ATP7B: variants seen among roughly 807,000 people sequenced by gnomAD.
The protein encoded by ATP7B is ATPase copper transporting beta, also known as copper-transporting ATPase 2.
Under a neutral mutation model 118.9 loss-of-function variants are expected in ATP7B, and 113 were observed. The observed-to-expected ratio is 0.95, with a 90% confidence interval of 0.82 to 1.11. The LOEUF is 1.11. Ranked by LOEUF, ATP7B falls within the 50% of genes most tolerant of loss-of-function variation. The probability of loss-of-function intolerance (pLI) is 0.00; values close to 1 mark genes in which losing one functional copy is unlikely to be tolerated. For missense variants in ATP7B, 1,867 were observed against 1,871.4 expected, an observed-to-expected ratio of 1.00 and a Z score of 0.04; for synonymous variants, 777 against 727.4, an observed-to-expected ratio of 1.07 and a Z score of -1.10.
chr13:51,990,949 G>A (rs1380426554), intron 1 of ATP7B, among the ~76,000 whole-genome samples: 7 of 152,168 alleles, frequency 4.6e-5, no homozygotes, highest in South Asian at 4.1e-4. Flanking sequence ...TTAGTTGGGC[G>A]TGGTGGCATG....
At chr13:51,987,551 A>T (rs1390475143) in intron 1 of ATP7B, among the ~76,000 whole-genome samples, 2 of 152,200 alleles carry the variant, frequency 1.3e-5, no homozygotes, top group African/African-American at 4.8e-5. Flanking sequence ...TCACAGAATT[A>T]GAAAAAACTA....
chr13:51,945,249 A>C (rs769693703), intron 13 of ATP7B, among the ~76,000 whole-genome samples: 36 of 152,108 alleles, frequency 2.4e-4, no homozygotes, highest in Non-Finnish European at 4.4e-4. Context: ...ACACTTTACT[A>C]AATCTTCAGC....
chr13:51,998,570 C>A (rs1307233425), intron 1 of ATP7B, among the ~76,000 whole-genome samples: 2 of 152,178 alleles, frequency 1.3e-5, no homozygotes, highest in African/African-American at 2.4e-5. Context: ...TCACATATTT[C>A]TTCTAGGTCT....
chr13:52,010,586 A>AT (rs140748149), intron 1 of ATP7B, among the ~76,000 whole-genome samples: 2,556 of 152,360 alleles, frequency 0.017, 59 homozygotes, highest in African/African-American at 0.058. Context: ...AAAAAAGAGA[A>AT]TGCACATACA....
chr13:51,958,871 A>T, intron 7 of ATP7B: 1 of 395,568 alleles, frequency 2.5e-6, no homozygotes, highest in Admixed American at 3.8e-5. Context: ...CCATTCCCTA[A>T]AGAGAATGGG....
At chr13:51,980,842 T>C (rs1279478799) in intron 1 of ATP7B, among the ~76,000 whole-genome samples, 1 of 152,012 alleles carries the variant, frequency 6.6e-6, no homozygotes, top group Non-Finnish European at 1.5e-5. Context: ...CCATAACAAC[T>C]TATGAGGCAA....
chr13:51,964,183 G>A (rs775246542), intron 5 of ATP7B, among the ~76,000 whole-genome samples: 74 of 151,802 alleles, frequency 4.9e-4, no homozygotes, highest in Non-Finnish European at 7.9e-4. Flanking sequence ...TGCTATAAGA[G>A]GCTTCATTTC....
chr13:51,962,040 G>T lies in ATP7B; in HGVS notation c.1870-127C>A, dbSNP rs1016759162. On this transcript the variant is annotated intron_variant, in intron 5 of 20. Coordinates refer to ENST00000242839, the MANE Select transcript of ATP7B (RefSeq NM_000053.4). ...ATCTAAAAGTGCCTCAGTAGACTTT[G>T]TGGGTTTTCTGCTTACAACTTCTTT... is the stretch of plus-strand genomic sequence containing the variant. The T allele has an allele frequency of 3.2e-5, 24 of 755,116 alleles. No individual in the cohort carries two copies. In the Admixed American group the frequency reaches 5.0e-4, roughly 16 times the overall value. The allele number at this position is 755,116 out of a possible 1,614,324, so 46.8% of individuals were successfully genotyped here.
At chr13:51,956,922 A>G (rs1399326961) in intron 9 of ATP7B, among the ~76,000 whole-genome samples, 2 of 152,140 alleles carry the variant, frequency 1.3e-5, no homozygotes, top group Non-Finnish European at 2.9e-5. Flanking sequence ...ACCTTGGGCC[A>G]GTTGCTTAGC....
Position 51,942,551 on chromosome 13 carries a change from G to A in ATP7B, c.3247C>T (p.Leu1083Phe), listed in dbSNP as rs1286080173. Residue 1083 changes from leucine (L) to phenylalanine (F), a missense_variant, in exon 15 of 21, where the codon CTT (leucine) becomes TTT (phenylalanine). Leu to Phe is a conservative substitution (Grantham distance 22). Transcript: ENST00000242839. Reference protein sequence around the residue: ...VAVTKYCKEELGTETLGYCTD... With the variant: ...VAVTKYCKEEFGTETLGYCTD... ...CAGTATCCCAAGGTCTCTGTTCCAA[G>A]TTCCTGGGAAGGTGGAAAGAGAGGA... 2.5e-6 allele frequency: 4 copies of A among 1,614,106 alleles called. No individual in the cohort carries two copies. In the East Asian group the frequency reaches 8.9e-5, roughly 36 times the overall value.
At chr13:51,936,414 C>T in intron 19 of ATP7B, among the ~76,000 whole-genome samples, 1 of 109,970 alleles carries the variant, frequency 9.1e-6, no homozygotes. Flanking sequence ...CACTCTGGAA[C>T]TTTTCATTGC....
intron 1 of ATP7B, among the ~76,000 whole-genome samples, chr13:51,988,298 T>C (rs1952754770): frequency 6.6e-6 from 1 of 151,212 alleles, no homozygotes; most frequent in Admixed American, 6.6e-5. Context: ...CCAACAAACA[T>C]GAAAAAAAGC....
intron 9 of ATP7B, among the ~76,000 whole-genome samples, chr13:51,957,305 T>C (rs1958413554): frequency 6.6e-6 from 1 of 152,198 alleles, no homozygotes; most frequent in African/African-American, 2.4e-5. Flanking sequence ...ACCTCCCATG[T>C]GCCATTTCGC....
Position 51,975,011 on chromosome 13 carries a change from T to C in ATP7B, c.209A>G (p.Gln70Arg), listed in dbSNP as rs1213175906. ...STVRILGMTC[Q>R]SCVKSIEDRI... ...GTCCTCAATGGACTTCACACATGAC[T>C]GGCAAGTCATGCCCAAGATCCTGAC... is the stretch of plus-strand genomic sequence containing the variant. The change falls in exon 2 of 21, where the codon CAG becomes CGG. Residue 70 changes from glutamine (Q) to arginine (R), a missense_variant. Physicochemically the swap from Gln to Arg is conservative, Grantham distance 43. Coordinates refer to ENST00000242839, the MANE Select transcript of ATP7B (RefSeq NM_000053.4). The C allele has an allele frequency of 6.2e-7, 1 of 1,614,228 alleles. No individual in the cohort carries two copies.
intron 1 of ATP7B, among the ~76,000 whole-genome samples, chr13:51,982,266 T>C (rs1216714967): frequency 2.0e-5 from 3 of 152,256 alleles, no homozygotes; most frequent in Admixed American, 2.0e-4. Flanking sequence ...TTTTCACATA[T>C]ATTTGTTTAA....
chr13:51,947,784 G>A (rs1957758354), intron 12 of ATP7B: 1 of 152,166 alleles, frequency 6.6e-6, no homozygotes, highest in African/African-American at 2.4e-5. Flanking sequence ...AAGTTACCAT[G>A]AGCCCTTCTC....
chr13:51,938,679 T>C (rs917614826), intron 17 of ATP7B, among the ~76,000 whole-genome samples: 5 of 152,202 alleles, frequency 3.3e-5, no homozygotes, highest in African/African-American at 1.2e-4. Flanking sequence ...GAGTCACTTA[T>C]CTGAGCACCC....
At chr13:51,986,926 A>G (rs987358464) in intron 1 of ATP7B, among the ~76,000 whole-genome samples, 9 of 152,208 alleles carry the variant, frequency 5.9e-5, no homozygotes, top group African/African-American at 1.9e-4. Flanking sequence ...TCTCAAAATA[A>G]TAACAGCTAT....
chr13:51,995,230 A>G (rs570146516), intron 1 of ATP7B: 160 of 924,002 alleles, frequency 1.7e-4, no homozygotes, highest in Non-Finnish European at 2.0e-4. Flanking sequence ...AATATCCCAC[A>G]CAAGAGACAT....
Sources: gnomAD v4.1 joint callset for allele counts (sites outside exome capture counted in the v4.1 genomes callset) on GRCh38, gnomAD v4.1.1 for gene constraint, MANE v1.5 for transcripts, NCBI Gene and HGNC (gene_info 2026-07-23, HGNC 2026-07-21) for gene names.